BAIAP2L1: variants seen among roughly 807,000 people sequenced by gnomAD.
BAIAP2L1 encodes BAR/IMD domain-containing adapter protein 2-like 1.
A neutral mutation model predicts 66.3 loss-of-function variants in BAIAP2L1; 35 were observed. The observed-to-expected ratio is 0.53, with a 90% confidence interval of 0.40 to 0.70. BAIAP2L1 has a LOEUF of 0.70. Ranked by LOEUF, BAIAP2L1 falls within the 30% of genes least tolerant of loss-of-function variation. BAIAP2L1 has a pLI of 0.00. For synonymous variants in BAIAP2L1, 269 were observed against 248.7 expected (o/e 1.08, Z -0.77); for missense variants, 622 against 656.9 (o/e 0.95, Z 0.58).
intron 9 of BAIAP2L1, chr7:98,309,443 G>C (rs896257036): frequency 6.6e-6 from 1 of 151,936 alleles, no homozygotes; most frequent in East Asian, 2.0e-4. Flanking sequence ...ATGAGTCACC[G>C]CGCCCAATCC....
intron 11 of BAIAP2L1, among the ~76,000 whole-genome samples, chr7:98,304,645 T>C (rs1800565709): frequency 6.6e-6 from 1 of 152,110 alleles, no homozygotes; most frequent in African/African-American, 2.4e-5. Flanking sequence ...CCTTCTAGGT[T>C]TAAGTGATTC....
intron 2 of BAIAP2L1, among the ~76,000 whole-genome samples, chr7:98,361,414 C>T (rs994601042): frequency 1.3e-5 from 2 of 151,868 alleles, no homozygotes; most frequent in Non-Finnish European, 2.9e-5. Context: ...AAAACTTGAT[C>T]TGAAGCTGCC....
chr7:98,393,175 A>ATGTG lies in BAIAP2L1; in HGVS notation c.51+7626_51+7627insCACA, dbSNP rs1554341928. On this transcript the variant is annotated intron_variant, in intron 1 of 13. Coordinates refer to ENST00000005260, the MANE Select transcript of BAIAP2L1 (RefSeq NM_018842.5). Reference sequence around the variant, plus strand: ...TATATGTACACATATATGTATATATATACATATATGTGTGTGTTTATATAT... The same window carrying ATGTG: ...TATATGTACACATATATGTATATATATGTGTACATATATGTGTGTGTTTATATAT... Among the ~76,000 whole-genome samples, 4 of 138,098 alleles carry ATGTG rather than the reference A, an allele frequency of 2.9e-5. 1 individual carries two copies. The highest frequency in any genetic ancestry group is 5.4e-5 in the African/African-American group (2 of 37,112). 90.6% of individuals were successfully genotyped at this position (138,098 alleles called of 152,430 possible).
intron 1 of BAIAP2L1, among the ~76,000 whole-genome samples, chr7:98,398,289 A>T (rs532915379): frequency 4.6e-5 from 7 of 152,138 alleles, no homozygotes; most frequent in Non-Finnish European, 1.0e-4. Context: ...TTCAGCTTGA[A>T]CATCATGGGG....
At chr7:98,370,541 G>A (rs991225115) in intron 1 of BAIAP2L1, among the ~76,000 whole-genome samples, 1 of 151,710 alleles carries the variant, frequency 6.6e-6, no homozygotes, top group Non-Finnish European at 1.5e-5. Context: ...GTCTCGCACT[G>A]TCGCCCAGGG....
chr7:98,396,102 C>T (rs1444672643), intron 1 of BAIAP2L1, among the ~76,000 whole-genome samples: 2 of 152,088 alleles, frequency 1.3e-5, no homozygotes, highest in Admixed American at 6.6e-5. Flanking sequence ...GATGGGGTCT[C>T]ACTCTGTTGC....
At chr7:98,364,882 G>A (rs967341273) in intron 1 of BAIAP2L1, among the ~76,000 whole-genome samples, 1 of 149,502 alleles carries the variant, frequency 6.7e-6, no homozygotes, top group African/African-American at 2.5e-5. Context: ...AGCTACTTGG[G>A]AGGCTGAGGT....
chr7:98,340,697 T>C lies in BAIAP2L1; in HGVS notation c.214+14345A>G, dbSNP rs17169508. On this transcript the variant is annotated intron_variant, in intron 3 of 13. Coordinates refer to ENST00000005260, the MANE Select transcript of BAIAP2L1 (RefSeq NM_018842.5). Reference sequence around the variant, plus strand: ...AACTTTTGTAAACAAGTACAATTTATAACACAGAACATCTTCCTAAACTTT... The same window carrying C: ...AACTTTTGTAAACAAGTACAATTTACAACACAGAACATCTTCCTAAACTTT... 2.0e-3 allele frequency among the ~76,000 whole-genome samples: 300 copies of C among 152,210 alleles called. 2 individuals carry two copies. The highest frequency in any genetic ancestry group is 6.6e-3 in the African/African-American group (274 of 41,542).
chr7:98,303,737 G>A lies in BAIAP2L1; in HGVS notation c.1422+459C>T, dbSNP rs1166701273. Among the ~76,000 whole-genome samples the A allele has an allele frequency of 2.6e-5, 4 of 152,154 alleles. No homozygotes were observed. The East Asian group carries it at 7.7e-4, about 29-fold the overall frequency. The stretch of plus-strand genomic sequence containing the variant: ...TTCAGGGTTATCGTTAACCCTAAAC[G>A]CCGTGCCTAGAAGGTTTAGGGTTAA... On this transcript the variant is annotated intron_variant, in intron 12 of 13. Transcript: ENST00000005260.
chr7:98,335,772 G>A (rs1801604880), intron 3 of BAIAP2L1, among the ~76,000 whole-genome samples: 1 of 152,170 alleles, frequency 6.6e-6, no homozygotes, highest in Non-Finnish European at 1.5e-5. Context: ...TGCCCCTGAA[G>A]GACCACCGGG....
intron 3 of BAIAP2L1, among the ~76,000 whole-genome samples, chr7:98,344,330 A>C (rs1027848150): frequency 2.0e-5 from 3 of 152,254 alleles, no homozygotes; most frequent in Non-Finnish European, 4.4e-5. Flanking sequence ...CTTATCTTCA[A>C]GTCATTGAGA....
At chr7:98,317,122 G>C in intron 6 of BAIAP2L1, 97 bp downstream of exon 6, 7 of 1,487,588 alleles carry the variant, frequency 4.7e-6, no homozygotes, top group Non-Finnish European at 6.5e-6. Flanking sequence ...CAAAGTGCTG[G>C]GATTACAGGC....
At chr7:98,297,130 A>G (rs1194764222) in intron 12 of BAIAP2L1, among the ~76,000 whole-genome samples, 1 of 152,226 alleles carries the variant, frequency 6.6e-6, no homozygotes, top group Admixed American at 6.5e-5. Context: ...GCAACTGGAG[A>G]CTATAGAGCG....
chr7:98,393,035 A>G (rs1360591989), intron 1 of BAIAP2L1, among the ~76,000 whole-genome samples: 1 of 127,156 alleles, frequency 7.9e-6, no homozygotes, highest in Non-Finnish European at 1.7e-5. Flanking sequence ...ACACATATAT[A>G]TACATATATA....
intron 1 of BAIAP2L1, among the ~76,000 whole-genome samples, chr7:98,373,288 T>G (rs1359075204): frequency 6.6e-6 from 1 of 152,212 alleles, no homozygotes; most frequent in Non-Finnish European, 1.5e-5. Flanking sequence ...ACTGAGATGT[T>G]TCCTTTGAGG....
At chr7:98,348,404 TA>T (rs1304021923) in intron 3 of BAIAP2L1, among the ~76,000 whole-genome samples, 1 of 151,504 alleles carries the variant, frequency 6.6e-6, no homozygotes, top group Non-Finnish European at 1.5e-5. Context: ...CCATCTCTAC[TA>T]AAAATACAAA....
At chr7:98,323,496 TTC>T (rs1330178464) in intron 3 of BAIAP2L1, 2 of 152,270 alleles carry the variant, frequency 1.3e-5, no homozygotes, top group African/African-American at 2.4e-5. Flanking sequence ...CCTCATACTG[TTC>T]TCTTTCATGA....
chr7:98,308,086 G>C (rs1344875501), intron 9 of BAIAP2L1, 190 bp from the exon 10 acceptor site: 1 of 705,866 alleles, frequency 1.4e-6, no homozygotes, highest in East Asian at 2.8e-5. Flanking sequence ...GAGAAACAGA[G>C]GCAGCGTGCA....
rs189766591 is a variant in BAIAP2L1, at chr7:98,294,057, T to G, written c.1460+17A>C. 273 of 1,613,492 alleles carry G rather than the reference T, an allele frequency of 1.7e-4. 1 individual carries two copies. In the African/African-American group the frequency reaches 3.1e-3, roughly 18 times the overall value. Reference sequence around the variant, plus strand: ...GCAATGTCACACACTGAGGCTCACGTAGGAAGCCACGCCTACCTGAGAAAA... The same window carrying G: ...GCAATGTCACACACTGAGGCTCACGGAGGAAGCCACGCCTACCTGAGAAAA... On this transcript the variant is annotated intron_variant, in intron 13 of 13. Transcript: ENST00000005260.
Sources: gnomAD v4.1 joint callset for allele counts (sites outside exome capture counted in the v4.1 genomes callset) on GRCh38, gnomAD v4.1.1 for gene constraint, MANE v1.5 for transcripts, NCBI Gene and HGNC (gene_info 2026-07-23, HGNC 2026-07-21) for gene names.